The following COL19A1 variants were observed in gnomAD, a reference collection of about 807,000 sequenced individuals.
COL19A1 encodes the protein collagen alpha-1(XIX) chain.
COL19A1 carries 159 observed loss-of-function variants against 190.2 expected under a neutral mutation model. The ratio of observed to expected loss-of-function variants is 0.84; its 90% CI spans 0.73 to 0.95. The LOEUF (loss-of-function observed/expected upper bound fraction) is 0.95, where lower values mean the gene tolerates loss of function less well. COL19A1 is among the 40% of genes least tolerant of loss of function. The probability of loss-of-function intolerance (pLI) is 0.00; values close to 1 mark genes in which losing one functional copy is unlikely to be tolerated. For missense variants in COL19A1, 1,418 were observed against 1,431.9 expected, an observed-to-expected ratio of 0.99 and a Z score of 0.16; for synonymous variants, 509 against 458.9, an observed-to-expected ratio of 1.11 and a Z score of -1.39.
chr6:69,921,375 A>C lies in COL19A1; in HGVS notation c.267-6534A>C, dbSNP rs935761999. Among the ~76,000 whole-genome samples, 9 of 105,600 alleles carry C rather than the reference A, an allele frequency of 8.5e-5. 1 individual carries two copies. The highest frequency in any genetic ancestry group is 1.4e-4 in the Non-Finnish European group (8 of 58,152). The allele number at this position is 105,600 out of a possible 152,430, so 69.3% of individuals were successfully genotyped here. On this transcript the variant is annotated intron_variant, in intron 4 of 50. Coordinates refer to ENST00000620364, the MANE Select transcript of COL19A1 (RefSeq NM_001858.6). ...TATCATAATCATATATATCATATATATCATATATATCATATATATCATATA... is the reference window on the plus strand; with the variant it reads ...TATCATAATCATATATATCATATATCTCATATATATCATATATATCATATA...
At chr6:69,958,709 A>G (rs1299497174) in intron 9 of COL19A1, among the ~76,000 whole-genome samples, 5 of 152,208 alleles carry the variant, frequency 3.3e-5, no homozygotes, top group Non-Finnish European at 7.3e-5. Context: ...TAATCTAAGA[A>G]AAACCTCAAT....
chr6:70,097,415 G>A (rs1783344050), intron 15 of COL19A1, among the ~76,000 whole-genome samples: 1 of 151,552 alleles, frequency 6.6e-6, no homozygotes, highest in Non-Finnish European at 1.5e-5. Flanking sequence ...CTGTATGTTT[G>A]TACCACATTT....
intron 18 of COL19A1, among the ~76,000 whole-genome samples, chr6:70,136,054 T>C (rs1320008966): frequency 6.6e-6 from 1 of 152,196 alleles, no homozygotes. Flanking sequence ...TAGGCCCTGT[T>C]TGGGCTGGTT....
intron 46 of COL19A1, among the ~76,000 whole-genome samples, chr6:70,186,888 T>C (rs1469929697): frequency 6.6e-6 from 1 of 152,234 alleles, no homozygotes; most frequent in Non-Finnish European, 1.5e-5. Flanking sequence ...TTGTTTTGTT[T>C]TGTTTTGAGA....
At chr6:69,921,110 T>TACATATATATCACATATGTATC (rs1209404038) in intron 4 of COL19A1, among the ~76,000 whole-genome samples, 1 of 119,114 alleles carries the variant, frequency 8.4e-6, no homozygotes, top group Non-Finnish European at 1.6e-5. Flanking sequence ...TATATTCATA[T>TACATATATATCACATATGTATC]ACATATATAT....
chr6:70,073,170 T>G (rs904519807), intron 15 of COL19A1, among the ~76,000 whole-genome samples: 1 of 152,060 alleles, frequency 6.6e-6, no homozygotes, highest in Non-Finnish European at 1.5e-5. Context: ...GTATTTTTAG[T>G]AGAGATGGGG....
chr6:70,145,369 T>G (rs972934619), intron 25 of COL19A1, among the ~76,000 whole-genome samples: 2 of 152,158 alleles, frequency 1.3e-5, no homozygotes. Flanking sequence ...TCATGTCCTT[T>G]GCAGCAACAT....
chr6:69,960,913 G>A (rs994523178), intron 10 of COL19A1, among the ~76,000 whole-genome samples: 1 of 152,086 alleles, frequency 6.6e-6, no homozygotes, highest in Non-Finnish European at 1.5e-5. Context: ...TTACAGGCGT[G>A]AGCCACCACA....
intron 11 of COL19A1, among the ~76,000 whole-genome samples, chr6:69,979,077 G>A (rs1775890026): frequency 1.3e-5 from 2 of 151,838 alleles, no homozygotes; most frequent in African/African-American, 4.8e-5. Context: ...AATTGGAGAG[G>A]TGATTCAAAA....
At chr6:69,921,356 A>AATCATATATATCATATATATCATATAT (rs1187631426) in intron 4 of COL19A1, among the ~76,000 whole-genome samples, 99 of 90,356 alleles carry the variant, frequency 1.1e-3, no homozygotes, top group Non-Finnish European at 1.8e-3. Flanking sequence ...CATATATCAT[A>AATCATATATATCATATATATCATATAT]ATCATATATA....
intron 49 of COL19A1, among the ~76,000 whole-genome samples, chr6:70,201,518 G>A (rs1767553407): frequency 6.6e-6 from 1 of 152,132 alleles, no homozygotes; most frequent in Non-Finnish European, 1.5e-5. Context: ...CTTAAACTTG[G>A]AAGATATCCC....
chr6:70,002,041 T>C (rs1192966591), intron 11 of COL19A1, among the ~76,000 whole-genome samples: 2 of 152,296 alleles, frequency 1.3e-5, no homozygotes, highest in African/African-American at 4.8e-5. Flanking sequence ...GTGTGTTCCA[T>C]CAATAACTAG....
chr6:70,108,806 TG>T (rs1461981699), intron 16 of COL19A1, among the ~76,000 whole-genome samples: 1 of 152,202 alleles, frequency 6.6e-6, no homozygotes, highest in Non-Finnish European at 1.5e-5. Flanking sequence ...ATTTGAAACA[TG>T]TACATTCATG....
At chr6:70,090,661 T>C (rs542843807) in intron 15 of COL19A1, among the ~76,000 whole-genome samples, 14 of 152,192 alleles carry the variant, frequency 9.2e-5, no homozygotes, top group Admixed American at 2.0e-4. Context: ...TATTAAATGA[T>C]GAATTTGGTG....
At chr6:69,943,273 G>T (rs1773587701) in intron 9 of COL19A1, among the ~76,000 whole-genome samples, 1 of 152,048 alleles carries the variant, frequency 6.6e-6, no homozygotes. Context: ...TTGCTGTTGA[G>T]TTGCTTGAGC....
At chr6:70,098,585 G>A (rs983955066) in intron 15 of COL19A1, 3 of 424,156 alleles carry the variant, frequency 7.1e-6, no homozygotes, top group Admixed American at 2.6e-5. Context: ...TTTGCCACAG[G>A]ATGACTTCTG....
intron 11 of COL19A1, among the ~76,000 whole-genome samples, chr6:69,975,107 C>T (rs1296634080): frequency 6.6e-6 from 1 of 152,086 alleles, no homozygotes; most frequent in Non-Finnish European, 1.5e-5. Flanking sequence ...GCCACCGCAC[C>T]CAGCCAAGAC....
chr6:69,887,816 A>T (rs1030217146), intron 2 of COL19A1, among the ~76,000 whole-genome samples: 2 of 152,106 alleles, frequency 1.3e-5, no homozygotes, highest in African/African-American at 4.8e-5. Flanking sequence ...AGTCCCTGCT[A>T]GAGCACTTCC....
At chr6:70,135,619 T>C (rs1014982134) in intron 18 of COL19A1, among the ~76,000 whole-genome samples, 9 of 152,164 alleles carry the variant, frequency 5.9e-5, no homozygotes, top group Admixed American at 5.2e-4. Context: ...GCACCAGCTT[T>C]TCAGAAAAGA....
Sources: allele counts gnomAD v4.1 joint callset (sites outside exome capture counted in the v4.1 genomes callset), GRCh38; gene constraint gnomAD v4.1.1; transcripts MANE v1.5; gene names NCBI Gene and HGNC (gene_info 2026-07-23, HGNC 2026-07-21).